EXOC4: variants seen among roughly 807,000 people sequenced by gnomAD.
EXOC4 encodes the protein SEC8-like 1.
A neutral mutation model predicts 107.2 loss-of-function variants in EXOC4; 71 were observed. The observed-to-expected ratio is 0.66, with a 90% CI of 0.55 to 0.81. The LOEUF is 0.81. Among genes scored for constraint, EXOC4 ranks in the 30% least tolerant of loss-of-function variants. EXOC4 has a pLI of 0.00. For synonymous variants in EXOC4, 456 were observed against 441.2 expected, an observed-to-expected ratio of 1.03 and a Z score of -0.42; for missense variants, 1,108 against 1,189.6, an observed-to-expected ratio of 0.93 and a Z score of 1.01.
intron 1 of EXOC4, among the ~76,000 whole-genome samples, chr7:133,254,383 A>G (rs1373085957): frequency 6.6e-6 from 1 of 152,226 alleles, no homozygotes; most frequent in East Asian, 1.9e-4. Flanking sequence ...GTGAATCTAT[A>G]GGCCCACATT....
At chr7:134,079,322 C>T in the EXOC4 span, among the ~76,000 whole-genome samples, 1 of 152,176 alleles carries the variant, frequency 6.6e-6, no homozygotes, top group South Asian at 2.1e-4. Flanking sequence ...CTAGTTTGAT[C>T]TAGAGACAGA....
intron 9 of EXOC4, among the ~76,000 whole-genome samples, chr7:133,531,401 AT>A (rs1800178929): frequency 6.6e-6 from 1 of 152,178 alleles, no homozygotes; most frequent in Non-Finnish European, 1.5e-5. Context: ...AGCATTTTAG[AT>A]TTATAATATG....
chr7:133,686,489 C>G (rs1794300408), intron 10 of EXOC4, among the ~76,000 whole-genome samples: 1 of 152,098 alleles, frequency 6.6e-6, no homozygotes, highest in Non-Finnish European at 1.5e-5. Flanking sequence ...TTTGTTTTGT[C>G]TGACGTCCTT....
intron 7 of EXOC4, among the ~76,000 whole-genome samples, chr7:133,419,333 A>G (rs536200707): frequency 6.6e-6 from 1 of 152,270 alleles, no homozygotes; most frequent in East Asian, 1.9e-4. Context: ...GGAACAGATT[A>G]AGGACTTATT....
Position 133,471,568 on chromosome 7 carries a change from T to A in EXOC4, c.1183-3760T>A, listed in dbSNP as rs1243510324. On this transcript the variant is annotated intron_variant, in intron 7 of 17. Coordinates refer to ENST00000253861, the MANE Select transcript of EXOC4 (RefSeq NM_021807.4). ...CAAATTGCAAACATTTAGCCTGTGG[T>A]TAAAAATTACACCCATCCTTTTTCT... Among the ~76,000 whole-genome samples the A allele has an allele frequency of 3.3e-5, 5 of 152,228 alleles. No individual in the cohort carries two copies. The East Asian group carries it at 9.6e-4, about 29-fold the overall frequency.
chr7:133,381,580 G>T (rs1358881204), intron 7 of EXOC4, among the ~76,000 whole-genome samples: 1 of 152,152 alleles, frequency 6.6e-6, no homozygotes, highest in East Asian at 1.9e-4. Flanking sequence ...TAGCATAAAT[G>T]AAGGTTTATT....
intron 14 of EXOC4, among the ~76,000 whole-genome samples, chr7:133,960,970 C>G (rs1172622146): frequency 6.6e-6 from 1 of 152,134 alleles, no homozygotes; most frequent in Non-Finnish European, 1.5e-5. Flanking sequence ...CAACGATGTC[C>G]ACGTCCTAAT....
chr7:133,468,390 A>G (rs146111194), intron 7 of EXOC4, among the ~76,000 whole-genome samples: 2 of 152,264 alleles, frequency 1.3e-5, no homozygotes, highest in African/African-American at 2.4e-5. Context: ...AGACTGCTCT[A>G]TTGAAAAAAA....
intron 10 of EXOC4, among the ~76,000 whole-genome samples, chr7:133,656,409 G>GTA (rs1562894429): frequency 3.3e-5 from 5 of 151,806 alleles, no homozygotes; most frequent in South Asian, 4.2e-4. Context: ...GTGTGTGTGT[G>GTA]TATATATATA....
At chr7:133,968,668 C>G (rs1171575757) in intron 14 of EXOC4, among the ~76,000 whole-genome samples, 1 of 151,974 alleles carries the variant, frequency 6.6e-6, no homozygotes, top group Non-Finnish European at 1.5e-5. Flanking sequence ...GAATATTGGC[C>G]CCCACTCTCT....
Position 133,698,574 on chromosome 7 carries a change from CA to C in EXOC4, c.1514+68447del, listed in dbSNP as rs71892513. On this transcript the variant is annotated intron_variant, in intron 10 of 17. Transcript: ENST00000253861. ...TCCAGCACAGACACCAGAGTGGTGT[CA>C]AAAAAAAAAAAAATATAGAAGATGC... Among the ~76,000 whole-genome samples, 284 of 143,476 alleles carry C rather than the reference CA, an allele frequency of 2.0e-3. 4 individuals are homozygous for C. Among genetic ancestry groups the C allele is most frequent in the African/African-American group, 6.2e-3 (238 of 38,520 alleles). 94.1% of individuals were successfully genotyped at this position (143,476 alleles called of 152,430 possible).
chr7:133,775,543 A>G (rs6467505), intron 10 of EXOC4, among the ~76,000 whole-genome samples: 150,269 of 152,284 alleles, frequency 0.99, 74,183 homozygotes, highest in Middle Eastern at 1. Context: ...TGCCAAATAT[A>G]TAACAGGTGC....
intron 1 of EXOC4, among the ~76,000 whole-genome samples, chr7:133,273,120 G>C (rs1446983558): frequency 6.6e-6 from 1 of 152,156 alleles, no homozygotes; most frequent in East Asian, 1.9e-4. Context: ...TTGATAAATT[G>C]AAGGCATTTT....
chr7:134,006,265 T>G (rs1015768111), intron 16 of EXOC4, among the ~76,000 whole-genome samples: 1 of 152,018 alleles, frequency 6.6e-6, no homozygotes, highest in African/African-American at 2.4e-5. Context: ...TGCCCAGTCT[T>G]GCAGACCACG....
At chr7:133,408,022 G>A (rs1348432952) in intron 7 of EXOC4, among the ~76,000 whole-genome samples, 1 of 152,172 alleles carries the variant, frequency 6.6e-6, no homozygotes, top group Non-Finnish European at 1.5e-5. Flanking sequence ...AATGATGAAG[G>A]AGAAGGGGAA....
chr7:134,060,391 T>G (rs1796028430), intron 17 of EXOC4, among the ~76,000 whole-genome samples: 1 of 152,012 alleles, frequency 6.6e-6, no homozygotes, highest in African/African-American at 2.4e-5. Flanking sequence ...CTATGAAGAG[T>G]CTGTGAAGGG....
At chr7:133,415,009 A>G (rs1339390719) in intron 7 of EXOC4, among the ~76,000 whole-genome samples, 1 of 152,166 alleles carries the variant, frequency 6.6e-6, no homozygotes, top group Non-Finnish European at 1.5e-5. Flanking sequence ...GCCTACTGAC[A>G]TTTCATATAA....
At chr7:133,992,373 C>A (rs1794283654) in intron 14 of EXOC4, among the ~76,000 whole-genome samples, 1 of 152,134 alleles carries the variant, frequency 6.6e-6, no homozygotes. Context: ...ACTTCTGCCT[C>A]CCAGGCTCAA....
At chr7:133,946,033 A>G (rs1042615889) in intron 14 of EXOC4, among the ~76,000 whole-genome samples, 1 of 152,030 alleles carries the variant, frequency 6.6e-6, no homozygotes, top group African/African-American at 2.4e-5. Context: ...TATGCGTGGT[A>G]ATTCCTCTCT....
Sources: allele counts gnomAD v4.1 joint callset (sites outside exome capture counted in the v4.1 genomes callset), GRCh38; gene constraint gnomAD v4.1.1; transcripts MANE v1.5; gene names NCBI Gene and HGNC (gene_info 2026-07-23, HGNC 2026-07-21).